The following PKHD1L1 variants were observed in gnomAD, a reference collection of about 807,000 sequenced individuals.
The protein encoded by PKHD1L1 is PKHD1 like 1, also known as fibrocystin-L.
A neutral mutation model predicts 462.9 loss-of-function variants in PKHD1L1; 434 were observed. The ratio of observed to expected loss-of-function variants is 0.94; its 90% CI spans 0.87 to 1.02. PKHD1L1 has a LOEUF of 1.02. Ranked by LOEUF, PKHD1L1 falls within the 50% of genes least tolerant of loss-of-function variation. The pLI is 0.00. For synonymous variants in PKHD1L1, 1,781 were observed against 1,750.0 expected (o/e 1.02, Z -0.44); for missense variants, 5,202 against 5,096.1 (o/e 1.02, Z -0.63).
intron 28 of PKHD1L1, 130 bp downstream of exon 28, chr8:109,433,346 T>C: frequency 1.1e-5 from 9 of 797,128 alleles, no homozygotes; most frequent in African/African-American, 1.7e-5. Context: ...TCATGATCCC[T>C]ATGGGGTCAT....
chr8:109,449,858 T>G (rs1324690045), intron 40 of PKHD1L1, among the ~76,000 whole-genome samples: 3 of 152,188 alleles, frequency 2.0e-5, no homozygotes, highest in African/African-American at 4.8e-5. Context: ...ATTGCTAAAC[T>G]CAAACCCTAC....
intron 9 of PKHD1L1, among the ~76,000 whole-genome samples, chr8:109,392,879 A>G (rs1380026928): frequency 6.6e-6 from 1 of 152,102 alleles, no homozygotes; most frequent in South Asian, 2.1e-4. Flanking sequence ...CTATTACCCC[A>G]AGTTCAAACA....
rs1448459464 is a variant in PKHD1L1 at position 109,531,264 on chromosome 8, T to A, written c.*1174T>A. 6.6e-6 allele frequency among the ~76,000 whole-genome samples: 1 copy of A among 152,212 alleles called. No homozygotes were observed. Among genetic ancestry groups the A allele is most frequent in the African/African-American group, 2.4e-5 (1 of 41,456 alleles). On this transcript the variant is annotated 3_prime_UTR_variant, in exon 78 of 78. Coordinates refer to ENST00000378402, the MANE Select transcript of PKHD1L1 (RefSeq NM_177531.6). ...ACTTACCAGGTAGTAAAATCAAATA[T>A]CTTGGTATAAATGTGGCATTTCATT...
At chr8:109,462,439 G>A (rs1027305996) in intron 48 of PKHD1L1, among the ~76,000 whole-genome samples, 5 of 152,072 alleles carry the variant, frequency 3.3e-5, no homozygotes, top group African/African-American at 2.4e-5. Context: ...TATCTCCTAC[G>A]ACCCTATGCC....
At chr8:109,484,074 T>C (rs1164898944) in intron 57 of PKHD1L1, among the ~76,000 whole-genome samples, 1 of 151,844 alleles carries the variant, frequency 6.6e-6, no homozygotes, top group East Asian at 1.9e-4. Context: ...AGAGCCTTAG[T>C]TTGGGCAAAT....
intron 73 of PKHD1L1, among the ~76,000 whole-genome samples, chr8:109,521,643 C>T (rs1365797218): frequency 2.2e-5 from 3 of 135,734 alleles, no homozygotes; most frequent in East Asian, 2.1e-4. Context: ...CCAGACCTGC[C>T]ATGCTAGAAA....
chr8:109,448,051 C>A lies in PKHD1L1; in HGVS notation c.5777-92C>A, dbSNP rs1816251882. 7 of 1,165,396 alleles carry A rather than the reference C, an allele frequency of 6.0e-6. No individual in the cohort carries two copies. The South Asian group carries it at 1.0e-4, about 17-fold the overall frequency. 72.2% of individuals were successfully genotyped at this position (1,165,396 alleles called of 1,614,324 possible). On this transcript the variant is annotated intron_variant, in intron 38 of 77. Transcript: ENST00000378402. ...TATTAGTTTTAAAACACTGGTTATT[C>A]TTTTATTTGTAAAAGTAAAGAGGTA...
chr8:109,532,797 A>C lies in PKHD1L1; in HGVS notation c.*2707A>C, dbSNP rs967793529. On this transcript the variant is annotated 3_prime_UTR_variant, in exon 78 of 78. Transcript: ENST00000378402. ...CATTGCAATGACTTCTAGATGGTCCATCTGTTTTTACCTTTTATCCATTTT... is the reference window on the plus strand; with the variant it reads ...CATTGCAATGACTTCTAGATGGTCCCTCTGTTTTTACCTTTTATCCATTTT... Among the ~76,000 whole-genome samples, 26 of 152,194 alleles carry C rather than the reference A, an allele frequency of 1.7e-4. No homozygotes were observed. The highest frequency in any genetic ancestry group is 4.6e-4 in the African/African-American group (19 of 41,436).
chr8:109,469,653 GT>G (rs535246342), intron 50 of PKHD1L1, among the ~76,000 whole-genome samples: 44 of 152,042 alleles, frequency 2.9e-4, no homozygotes, highest in Admixed American at 1.4e-3. Flanking sequence ...TTTTTTCTAG[GT>G]TTTTTTCCCC....
chr8:109,472,405 A>G (rs190211905), intron 50 of PKHD1L1, among the ~76,000 whole-genome samples: 31 of 152,180 alleles, frequency 2.0e-4, no homozygotes, highest in African/African-American at 7.5e-4. Context: ...TTATTTGTCT[A>G]TATTCTGGTT....
rs1477637231 is a variant in PKHD1L1, at chr8:109,479,999, A to T, written c.9187A>T (p.Ile3063Phe). Residue 3063 changes from isoleucine (I) to phenylalanine (F), a missense_variant, in exon 55 of 78, where the codon ATT becomes TTT. Physicochemically the swap from Ile to Phe is conservative, Grantham distance 21. This residue lies in a region of PKHD1L1 where 4,497 missense variants were observed against 4,336.8 expected (regional missense o/e 1.04). Transcript: ENST00000378402. ...ANVIIPEGTW[I>F]VADIDMPSME... is the part of the protein sequence containing the mutation. Reference sequence around the variant, plus strand: ...AAAGTATTGTTTTATAGGAACATGGATTGTAGCTGACATAGATATGCCATC... The same window carrying T: ...AAAGTATTGTTTTATAGGAACATGGTTTGTAGCTGACATAGATATGCCATC... 2.5e-6 allele frequency: 4 copies of T among 1,576,852 alleles called. No individual in the cohort carries two copies. Among genetic ancestry groups the T allele is most frequent in the Non-Finnish European group, 2.6e-6 (3 of 1,166,922 alleles).
chr8:109,417,213 A>G (rs1287549616), intron 21 of PKHD1L1, among the ~76,000 whole-genome samples: 17 of 152,202 alleles, frequency 1.1e-4, no homozygotes, highest in Admixed American at 1.1e-3. Context: ...TTGATTGTTT[A>G]TAACACAAAT....
intron 23 of PKHD1L1, among the ~76,000 whole-genome samples, chr8:109,423,095 T>C (rs1814556969): frequency 6.6e-6 from 1 of 152,194 alleles, no homozygotes; most frequent in Non-Finnish European, 1.5e-5. Flanking sequence ...ACCTCACCTT[T>C]TCATCTTCTT....
At chr8:109,393,388 T>C (rs1812801174) in intron 9 of PKHD1L1, among the ~76,000 whole-genome samples, 1 of 152,192 alleles carries the variant, frequency 6.6e-6, no homozygotes, top group African/African-American at 2.4e-5. Flanking sequence ...GAGAACGTCT[T>C]GAAGGTAATT....
In PKHD1L1 at chr8:109,452,179, T is replaced by C; in HGVS notation, c.6406T>C (p.Tyr2136His). The change falls in exon 42 of 78, where the codon TAT becomes CAT. Residue 2136 changes from tyrosine to histidine, a missense_variant. Physicochemically the swap from Tyr to His is moderately conservative, Grantham distance 83. Around this residue, in one of 3 missense-constraint regions of PKHD1L1, gnomAD observed 4,497 missense variants for 4,336.8 expected, o/e 1.04. Coordinates refer to ENST00000378402, the MANE Select transcript of PKHD1L1 (RefSeq NM_177531.6). ...AGCTGAAGCCAAATGTGATGTTGAG[T>C]ATTCCAACAAGACACACATCATCTG... ...TIAEAKCDVEYSNKTHIICMT... is the reference protein window; with the variant it reads ...TIAEAKCDVEHSNKTHIICMT... The C allele has an allele frequency of 6.2e-7, 1 of 1,613,406 alleles. No homozygotes were observed. The highest frequency in any genetic ancestry group is 1.7e-5 in the Admixed American group (1 of 59,950).
intron 46 of PKHD1L1, among the ~76,000 whole-genome samples, chr8:109,457,589 T>C (rs1338685882): frequency 6.6e-6 from 1 of 152,142 alleles, no homozygotes; most frequent in African/African-American, 2.4e-5. Flanking sequence ...TCTAGCTCCC[T>C]GCAATACCAC....
intron 19 of PKHD1L1, 144 bp from the exon 20 acceptor site, chr8:109,412,121 A>C (rs924496352): frequency 1.2e-5 from 9 of 737,738 alleles, no homozygotes; most frequent in Admixed American, 8.9e-5. Flanking sequence ...TTTAGATTTC[A>C]GACAAGGAAG....
At chr8:109,487,636 A>C (rs1035475690) in intron 59 of PKHD1L1, among the ~76,000 whole-genome samples, 1 of 151,898 alleles carries the variant, frequency 6.6e-6, no homozygotes, top group Non-Finnish European at 1.5e-5. Context: ...GAGTGATTGC[A>C]TTCCTGGAAT....
At chr8:109,364,323 G>A (rs1460883031) in intron 1 of PKHD1L1, among the ~76,000 whole-genome samples, 1 of 152,174 alleles carries the variant, frequency 6.6e-6, no homozygotes, top group African/African-American at 2.4e-5. Flanking sequence ...GCTCTTGGTA[G>A]CACCTAAGAT....
Sources: allele counts gnomAD v4.1 joint callset (sites outside exome capture counted in the v4.1 genomes callset), GRCh38; gene constraint gnomAD v4.1.1; regional missense constraint gnomAD v4.1.1; transcripts MANE v1.5; gene names NCBI Gene and HGNC (gene_info 2026-07-23, HGNC 2026-07-21).